DRD3: variants seen among roughly 807,000 people sequenced by gnomAD.
DRD3 encodes D(3) dopamine receptor.
A neutral mutation model predicts 36.3 loss-of-function variants in DRD3; 19 were observed. The observed-to-expected ratio is 0.52, with a 90% CI of 0.36 to 0.77. The LOEUF (loss-of-function observed/expected upper bound fraction) is 0.77, where lower values mean the gene tolerates loss of function less well. Ranked by LOEUF, DRD3 falls within the 30% of genes least tolerant of loss-of-function variation. The pLI is 0.00. For synonymous variants in DRD3, 195 were observed against 203.7 expected, an observed-to-expected ratio of 0.96 and a Z score of 0.36; for missense variants, 465 against 505.3, an observed-to-expected ratio of 0.92 and a Z score of 0.77.
At chr3:114,161,273 A>C (rs1299399870) in intron 2 of DRD3, among the ~76,000 whole-genome samples, 1 of 152,212 alleles carries the variant, frequency 6.6e-6, no homozygotes, top group Admixed American at 6.5e-5. Flanking sequence ...GTAGCCTCTG[A>C]AGTAGCTTCC....
At chr3:114,131,082 C>A (rs199724096) in intron 6 of DRD3, 36 bp downstream of exon 6, 458 of 1,596,222 alleles carry the variant, frequency 2.9e-4, no homozygotes, top group Non-Finnish European at 3.7e-4. Flanking sequence ...CACAACCTAA[C>A]CCAACCCAAC....
chr3:114,185,165 T>C (rs1301003984), intron 1 of DRD3, among the ~76,000 whole-genome samples: 1 of 152,214 alleles, frequency 6.6e-6, no homozygotes, highest in Non-Finnish European at 1.5e-5. Context: ...TAGAAACTTT[T>C]CTGCCATTAT....
intron 5 of DRD3, among the ~76,000 whole-genome samples, chr3:114,132,095 A>G (rs2077436207): frequency 6.6e-6 from 1 of 152,232 alleles, no homozygotes. Context: ...TACTGTAAAG[A>G]CACATACACA....
At position 114,143,235 on chromosome 3, in the gene DRD3, CAT is replaced by C. The variant is rs1215919227; in HGVS notation, c.527-3541_527-3540del. 6.6e-5 allele frequency among the ~76,000 whole-genome samples: 10 copies of C among 152,244 alleles called. No individual in the cohort carries two copies. In the South Asian group the frequency reaches 1.2e-3, roughly 19 times the overall value. On this transcript the variant is annotated intron_variant, in intron 4 of 6. Coordinates refer to ENST00000383673, the MANE Select transcript of DRD3 (RefSeq NM_000796.6). ...TACAAATGAGCATTTTATATAAACA[CAT>C]GAGCACTCACTGACCAGAGGATAAT...
chr3:114,140,064 G>C (rs1485159724), intron 4 of DRD3, among the ~76,000 whole-genome samples: 1 of 152,244 alleles, frequency 6.6e-6, no homozygotes, highest in African/African-American at 2.4e-5. Context: ...AGGCTGGGGA[G>C]AGCATTACAG....
intron 1 of DRD3, among the ~76,000 whole-genome samples, chr3:114,174,698 G>A (rs1303999932): frequency 6.6e-6 from 1 of 151,606 alleles, no homozygotes; most frequent in Non-Finnish European, 1.5e-5. Flanking sequence ...TGAGATGCTA[G>A]ATTACTCTCT....
At chr3:114,131,913 C>A (rs1471616283) in intron 5 of DRD3, among the ~76,000 whole-genome samples, 1 of 152,154 alleles carries the variant, frequency 6.6e-6, no homozygotes, top group Admixed American at 6.6e-5. Flanking sequence ...TGGAAAACAA[C>A]AGATGTTGGT....
intron 3 of DRD3, among the ~76,000 whole-genome samples, chr3:114,148,245 G>A (rs115500425): frequency 1.3e-5 from 2 of 152,252 alleles, no homozygotes; most frequent in Non-Finnish European, 2.9e-5. Flanking sequence ...CTGGGTGCTG[G>A]TCTGTGTGCC....
chr3:114,141,965 C>G (rs930992419), intron 4 of DRD3, among the ~76,000 whole-genome samples: 1 of 148,436 alleles, frequency 6.7e-6, no homozygotes, highest in African/African-American at 2.5e-5. Flanking sequence ...AGGAGAACCG[C>G]TTGAACCCAG....
chr3:114,140,398 G>A (rs1364187069), intron 4 of DRD3, among the ~76,000 whole-genome samples: 1 of 152,114 alleles, frequency 6.6e-6, no homozygotes, highest in African/African-American at 2.4e-5. Context: ...TTTCTCCTTG[G>A]GAGGTCCCTC....
intron 4 of DRD3, among the ~76,000 whole-genome samples, chr3:114,147,078 C>A (rs544027013): frequency 5.3e-5 from 8 of 152,134 alleles, no homozygotes; most frequent in Non-Finnish European, 1.0e-4. Flanking sequence ...TTTTTATTAG[C>A]AAACCTTGCC....
chr3:114,135,913 G>A (rs992848636), intron 5 of DRD3, among the ~76,000 whole-genome samples: 34 of 152,014 alleles, frequency 2.2e-4, no homozygotes, highest in African/African-American at 6.8e-4. Flanking sequence ...GGCTGGTCTC[G>A]AACTCCTGAC....
intron 1 of DRD3, among the ~76,000 whole-genome samples, chr3:114,198,747 G>GT (rs1300640421): frequency 2.0e-5 from 3 of 151,802 alleles, no homozygotes; most frequent in Non-Finnish European, 4.4e-5. Context: ...ATATGTTTTT[G>GT]TTTTTTTAGA....
At position 114,128,736 on chromosome 3, in the gene DRD3, G is replaced by A. The variant is rs771514511; in HGVS notation, c.1183C>T (p.Leu395Phe). The A allele has an allele frequency of 1.2e-6, 2 of 1,605,246 alleles. No individual in the cohort carries two copies. Among genetic ancestry groups the A allele is most frequent in the Non-Finnish European group, 1.7e-6 (2 of 1,175,354 alleles). Reference sequence around the variant, plus strand: ...CTCCCTCAGCAAGACAGGATCTTGAGGAAGGCTTTCCGGAACTCGATATTG... The same window carrying A: ...CTCCCTCAGCAAGACAGGATCTTGAAGAAGGCTTTCCGGAACTCGATATTG... ...TFNIEFRKAF[L>F]KILSC Residue 395 changes from leucine (L) to phenylalanine (F), a missense_variant, in exon 7 of 7, where the codon CTC (leucine) becomes TTC (phenylalanine). Coordinates refer to ENST00000383673, the MANE Select transcript of DRD3 (RefSeq NM_000796.6).
intron 2 of DRD3, among the ~76,000 whole-genome samples, chr3:114,160,146 G>T (rs996579405): frequency 6.6e-6 from 1 of 152,182 alleles, no homozygotes; most frequent in East Asian, 1.9e-4. Context: ...GGTCCACAGT[G>T]GGGTGTTTAT....
chr3:114,132,288 C>T (rs2077437823), intron 5 of DRD3, among the ~76,000 whole-genome samples: 1 of 152,118 alleles, frequency 6.6e-6, no homozygotes, highest in African/African-American at 2.4e-5. Flanking sequence ...CCATCATCCT[C>T]AGCAAACTAA....
chr3:114,181,335 G>A (rs1465681396), upstream of DRD3, among the ~76,000 whole-genome samples: 1 of 152,188 alleles, frequency 6.6e-6, no homozygotes, highest in Non-Finnish European at 1.5e-5. Context: ...GAATGGGGAG[G>A]GATTGGTGTG....
chr3:114,140,333 A>T (rs2107839008), intron 4 of DRD3, among the ~76,000 whole-genome samples: 1 of 152,270 alleles, frequency 6.6e-6, no homozygotes, highest in Admixed American at 6.5e-5. Context: ...GACATGGAGA[A>T]TGTGCACTTA....
At chr3:114,134,725 T>C (rs1467783428) in intron 5 of DRD3, among the ~76,000 whole-genome samples, 1 of 151,798 alleles carries the variant, frequency 6.6e-6, no homozygotes, top group Non-Finnish European at 1.5e-5. Flanking sequence ...TGGCCTAGAG[T>C]TTTTTTTAAA....
Sources: gnomAD v4.1 joint callset for allele counts (sites outside exome capture counted in the v4.1 genomes callset) on GRCh38, gnomAD v4.1.1 for gene constraint, MANE v1.5 for transcripts, NCBI Gene and HGNC (gene_info 2026-07-23, HGNC 2026-07-21) for gene names.